NUDT21: variants seen among roughly 807,000 people sequenced by gnomAD.
The protein encoded by NUDT21 is cleavage and polyadenylation specificity factor subunit 5.
A neutral mutation model predicts 29.8 loss-of-function variants in NUDT21; 5 were observed. The observed-to-expected ratio is 0.17, with a 90% CI of 0.09 to 0.35. The LOEUF (loss-of-function observed/expected upper bound fraction) is 0.35. NUDT21 is among the 10% of genes least tolerant of loss of function. NUDT21 has a pLI of 1.00. For missense variants in NUDT21, 76 were observed against 276.0 expected (o/e 0.28, Z 5.13); for synonymous variants, 113 against 98.5 (o/e 1.15, Z -0.87).
At chr16:56,441,728 A>G (rs1448693323) in intron 3 of NUDT21, among the ~76,000 whole-genome samples, 1 of 152,240 alleles carries the variant, frequency 6.6e-6, no homozygotes, top group Non-Finnish European at 1.5e-5. Flanking sequence ...AGCAATGATT[A>G]GCAAACCGTA....
intron 1 of NUDT21, 45 bp downstream of exon 1, chr16:56,451,039 TAGG>T (rs1567541649): frequency 1.3e-6 from 2 of 1,520,934 alleles, no homozygotes; most frequent in South Asian, 1.1e-5. Context: ...GGAGAGTCTA[TAGG>T]AGCTTTCACG....
chr16:56,429,840 G>A lies in NUDT21; in HGVS notation c.*2872C>T, dbSNP rs1430936342. On this transcript the variant is annotated 3_prime_UTR_variant, in exon 7 of 7. Coordinates refer to ENST00000300291, the MANE Select transcript of NUDT21 (RefSeq NM_007006.3). ...TAGTAAAAACATTAAGTTTGAGGAT[G>A]GAAAAGCTACCCCAAGCATTTCATC... The A allele has an allele frequency of 6.6e-6, 1 of 152,054 alleles. No individual in the cohort carries two copies. The highest frequency in any genetic ancestry group is 1.5e-5 in the Non-Finnish European group (1 of 68,020). The allele number at this position is 152,054 out of a possible 1,614,324, so 9.4% of individuals were successfully genotyped here.
intron 6 of NUDT21, among the ~76,000 whole-genome samples, chr16:56,433,301 A>G (rs1472054577): frequency 1.3e-5 from 2 of 152,210 alleles, no homozygotes; most frequent in African/African-American, 4.8e-5. Flanking sequence ...GCATTATTTC[A>G]CTTGGTCCTC....
intron 4 of NUDT21, among the ~76,000 whole-genome samples, chr16:56,436,409 G>A (rs931650594): frequency 1.3e-5 from 2 of 152,098 alleles, no homozygotes; most frequent in Non-Finnish European, 2.9e-5. Flanking sequence ...AATTATAAAA[G>A]CCTATGTTAT....
intron 2 of NUDT21, 96 bp from the exon 3 acceptor site, chr16:56,446,785 A>G: frequency 1.4e-6 from 1 of 713,338 alleles, no homozygotes; most frequent in Non-Finnish European, 2.3e-6. Flanking sequence ...CACTAAGAAC[A>G]TATTTCAGCA....
At position 56,435,743 on chromosome 16, in the gene NUDT21, T is replaced by TTTTA. The variant is rs1555514701; in HGVS notation, c.472-915_472-914insTAAA. ...TCTGTCTCCCAAAAAAAAAAAAAAA[T>TTTTA]TATATATATATATATATATATATAT... On this transcript the variant is annotated intron_variant, in intron 4 of 6. Coordinates refer to ENST00000300291, the MANE Select transcript of NUDT21 (RefSeq NM_007006.3). 3.0e-4 allele frequency among the ~76,000 whole-genome samples: 8 copies of TTTTA among 27,058 alleles called. No individual in the cohort carries two copies. The East Asian group carries it at 3.0e-3, about 10-fold the overall frequency. 17.8% of individuals were successfully genotyped at this position (27,058 alleles called of 152,430 possible).
At chr16:56,436,347 C>T (rs1484746469) in intron 4 of NUDT21, among the ~76,000 whole-genome samples, 1 of 152,200 alleles carries the variant, frequency 6.6e-6, no homozygotes, top group Non-Finnish European at 1.5e-5. Context: ...CCCAAGATTA[C>T]TCAGCCAAGT....
intron 4 of NUDT21, among the ~76,000 whole-genome samples, chr16:56,436,816 C>G (rs1193192722): frequency 6.6e-6 from 1 of 151,118 alleles, no homozygotes; most frequent in African/African-American, 2.4e-5. Context: ...AACTAATACT[C>G]TAGGCTTCCT....
Position 56,451,252 on chromosome 16 carries a change from G to T in NUDT21, c.-50C>A, listed in dbSNP as rs1342417546. On this transcript the variant is annotated 5_prime_UTR_variant, in exon 1 of 7. Coordinates refer to ENST00000300291, the MANE Select transcript of NUDT21 (RefSeq NM_007006.3). Reference sequence around the variant, plus strand: ...CGAGCAGAAAGTGGCAGGCAGGGTAGACTTTCCCCGTGCGGGAAGCGGTTA... The same window carrying T: ...CGAGCAGAAAGTGGCAGGCAGGGTATACTTTCCCCGTGCGGGAAGCGGTTA... The T allele has an allele frequency of 2.9e-6, 4 of 1,382,942 alleles. No homozygotes were observed. The South Asian group carries it at 3.8e-5, about 13-fold the overall frequency. The allele number at this position is 1,382,942 out of a possible 1,614,324, so 85.7% of individuals were successfully genotyped here.
intron 4 of NUDT21, chr16:56,435,184 C>T (rs749037199): frequency 1.9e-4 from 30 of 160,574 alleles, no homozygotes; most frequent in Non-Finnish European, 3.1e-4. Flanking sequence ...AGTGCAATGG[C>T]GCAATCTCGG....
rs1334048476 is a variant in NUDT21, at chr16:56,451,025, C to T, written c.116+62G>A. 8.6e-6 allele frequency: 12 copies of T among 1,388,356 alleles called. No homozygotes were observed. The African/African-American group carries it at 1.1e-4, about 13-fold the overall frequency. 86.0% of individuals were successfully genotyped at this position (1,388,356 alleles called of 1,614,324 possible). A position where few individuals can be genotyped will look rare whatever the true frequency, so the allele number is the denominator to read the frequency against. On this transcript the variant is annotated intron_variant, in intron 1 of 6. Coordinates refer to ENST00000300291, the MANE Select transcript of NUDT21 (RefSeq NM_007006.3). ...GAAGCGCGCCGAAAAGCCGGGGGCG[C>T]GTCGGAGAGTCTATAGGAGCTTTCA... is the stretch of plus-strand genomic sequence containing the variant.
Position 56,451,329 on chromosome 16 carries a change from G to A in NUDT21, c.-127C>T, listed in dbSNP as rs1432772383. The A allele has an allele frequency of 3.2e-5, 26 of 810,210 alleles. No homozygotes were observed. Among genetic ancestry groups the A allele is most frequent in the African/African-American group, 6.9e-5 (4 of 58,186 alleles). The allele number at this position is 810,210 out of a possible 1,614,324, so 50.2% of individuals were successfully genotyped here. On this transcript the variant is annotated 5_prime_UTR_variant, in exon 1 of 7. Coordinates refer to ENST00000300291, the MANE Select transcript of NUDT21 (RefSeq NM_007006.3). The stretch of plus-strand genomic sequence containing the variant: ...CCGCCATTAACAGGACAGCGCAAGA[G>A]GAGGCGTAGGCACGCCGGAAGTGAA...
At chr16:56,434,900 G>A in intron 4 of NUDT21, 71 bp from the exon 5 acceptor site, 1 of 927,012 alleles carries the variant, frequency 1.1e-6, no homozygotes, top group Non-Finnish European at 1.7e-6. Flanking sequence ...TTACTCCCCA[G>A]TATAGTATAA....
intron 2 of NUDT21, chr16:56,447,584 A>G: frequency 1.8e-6 from 1 of 553,300 alleles, no homozygotes; most frequent in East Asian, 3.1e-5. Context: ...CATCAACAAC[A>G]TACAGAAACA....
chr16:56,451,255 T>C lies in NUDT21; in HGVS notation c.-53A>G, dbSNP rs1230613212. On this transcript the variant is annotated 5_prime_UTR_variant, in exon 1 of 7. Coordinates refer to ENST00000300291, the MANE Select transcript of NUDT21 (RefSeq NM_007006.3). ...GCAGAAAGTGGCAGGCAGGGTAGAC[T>C]TTCCCCGTGCGGGAAGCGGTTATCT... 33 of 1,379,610 alleles carry C rather than the reference T, an allele frequency of 2.4e-5. 2 individuals carry two copies. Among genetic ancestry groups the C allele is most frequent in the South Asian group, 1.6e-4 (13 of 78,982 alleles). The allele number at this position is 1,379,610 out of a possible 1,614,324, so 85.5% of individuals were successfully genotyped here.
Position 56,446,681 on chromosome 16 carries a change from C to A in NUDT21, c.326G>T (p.Gly109Val). 6.3e-7 allele frequency: 1 copy of A among 1,596,882 alleles called. No homozygotes were observed. The change falls in exon 3 of 7, where the codon GGT (glycine) becomes GTT (valine). Residue 109 changes from glycine (G) to valine (V), a missense_variant. Physicochemically the swap from Gly to Val is moderately radical, Grantham distance 109. This residue lies in a region of NUDT21 where 27 missense variants were observed against 149.5 expected (regional missense o/e 0.18). Coordinates refer to ENST00000300291, the MANE Select transcript of NUDT21 (RefSeq NM_007006.3). ...TTCATCTTCTCCTGGGTTAAGTTCACCACCAGGTCTGTATAAAAGTTAAGA... is the reference window on the plus strand; with the variant it reads ...TTCATCTTCTCCTGGGTTAAGTTCAACACCAGGTCTGTATAAAAGTTAAGA... The part of the protein sequence containing the change: ...LGTTFFKLPG[G>V]ELNPGEDEVE...
rs1185809970 is a variant in NUDT21, at chr16:56,432,685, TCTTTTA to T, written c.*21_*26del. On this transcript the variant is annotated 3_prime_UTR_variant, in exon 7 of 7. Transcript: ENST00000300291. ...GCTGTGCTCACAGAGACAAGCGGCT[TCTTTTA>T]CTTCTCCACTGCGCAGGAATTCAGT... The T allele has an allele frequency of 4.4e-6, 7 of 1,606,594 alleles. No homozygotes were observed. The highest frequency in any genetic ancestry group is 8.5e-7 in the Non-Finnish European group (1 of 1,176,030).
At chr16:56,441,419 G>C (rs1417420841) in intron 3 of NUDT21, among the ~76,000 whole-genome samples, 1 of 151,908 alleles carries the variant, frequency 6.6e-6, no homozygotes, top group Non-Finnish European at 1.5e-5. Flanking sequence ...ATTTTTAGTA[G>C]AGACAGGGTT....
chr16:56,444,116 T>C (rs1159908730), intron 3 of NUDT21, among the ~76,000 whole-genome samples: 1 of 151,956 alleles, frequency 6.6e-6, no homozygotes, highest in Non-Finnish European at 1.5e-5. Context: ...CTCATCTCTA[T>C]AAAAAACTTT....
Sources: allele counts gnomAD v4.1 joint callset (sites outside exome capture counted in the v4.1 genomes callset), GRCh38; gene constraint gnomAD v4.1.1; regional missense constraint gnomAD v4.1.1; transcripts MANE v1.5; gene names NCBI Gene and HGNC (gene_info 2026-07-23, HGNC 2026-07-21).